RBM27: variants seen among roughly 807,000 people sequenced by gnomAD.
RBM27 encodes the protein RNA binding motif protein 27.
RBM27 carries 22 observed loss-of-function variants against 135.3 expected under a neutral mutation model. The ratio of observed to expected loss-of-function variants is 0.16; its 90% confidence interval spans 0.12 to 0.23. RBM27 has a LOEUF of 0.23. Among genes scored for constraint, RBM27 ranks in the 10% least tolerant of loss-of-function variants. The pLI is 1.00. For synonymous variants in RBM27, 481 were observed against 442.4 expected (o/e 1.09, Z -1.10); for missense variants, 1,009 against 1,281.0 (o/e 0.79, Z 3.24).
intron 10 of RBM27, among the ~76,000 whole-genome samples, chr5:146,256,224 A>G (rs1056802760): frequency 2.7e-5 from 4 of 149,416 alleles, no homozygotes; most frequent in Admixed American, 6.7e-5. Context: ...TAATAACACT[A>G]TTACCACTAT....
At chr5:146,281,463 CT>C (rs891722812) in intron 19 of RBM27, among the ~76,000 whole-genome samples, 1 of 152,176 alleles carries the variant, frequency 6.6e-6, no homozygotes, top group Non-Finnish European at 1.5e-5. Flanking sequence ...AGTGTCCAAT[CT>C]TTTGGCTTCC....
In RBM27 at chr5:146,261,710, C is replaced by T; in HGVS notation, c.2094C>T (p.Leu698=). The T allele has an allele frequency of 6.2e-7, 1 of 1,614,208 alleles. No individual in the cohort carries two copies. The highest frequency in any genetic ancestry group is 8.5e-7 in the Non-Finnish European group (1 of 1,180,046). Reference sequence around the variant, plus strand: ...AACAACAGCAAACACTTAGTCACCTCTCACAGCAGCACCATCACCTGCCAC... The same window carrying T: ...AACAACAGCAAACACTTAGTCACCTTTCACAGCAGCACCATCACCTGCCAC... ...LLQQQQTLSH[L]SQQHHHLPQH... The change falls in exon 13 of 21, where the codon CTC becomes CTT. Residue 698 remains leucine (L), a synonymous_variant. Coordinates refer to ENST00000265271, the MANE Select transcript of RBM27 (RefSeq NM_018989.2).
Position 146,219,063 on chromosome 5 carries a change from A to T in RBM27, c.138A>T (p.Lys46Asn). The change falls in exon 2 of 21, where the codon AAA becomes AAT. Residue 46 changes from lysine to asparagine, a missense_variant. Physicochemically the swap from Lys to Asn is moderately conservative, Grantham distance 94 (BLOSUM62 0). This residue lies in a region of RBM27 where 268 missense variants were observed against 326.6 expected (regional missense o/e 0.82). Transcript: ENST00000265271. Reference sequence around the variant, plus strand: ...AGGACAAACCTGAGAAAGAATTAAAAGCCTTTTGTGCTGATCAACTTGATG... The same window carrying T: ...AGGACAAACCTGAGAAAGAATTAAATGCCTTTTGTGCTGATCAACTTGATG... ...VKKDKPEKEL[K>N]AFCADQLDVF... is the part of the protein sequence containing the mutation. 1 of 1,613,598 alleles carries T rather than the reference A, an allele frequency of 6.2e-7. No homozygotes were observed. Among genetic ancestry groups the T allele is most frequent in the Non-Finnish European group, 8.5e-7 (1 of 1,179,744 alleles).
Position 146,273,821 on chromosome 5 carries a change from T to C in RBM27, c.2988+2147T>C, listed in dbSNP as rs575694165. On this transcript the variant is annotated intron_variant, in intron 19 of 20. Coordinates refer to ENST00000265271, the MANE Select transcript of RBM27 (RefSeq NM_018989.2). ...TGGATTTTAATGAAGCTATTTGGAA[T>C]CTAATTCTGGAGTCCTTCAGAGTTT... Among the ~76,000 whole-genome samples, 265 of 152,336 alleles carry C rather than the reference T, an allele frequency of 1.7e-3. 2 individuals are homozygous for C. Among genetic ancestry groups the C allele is most frequent in the African/African-American group, 6.2e-3 (259 of 41,574 alleles).
chr5:146,248,668 A>G lies in RBM27; in HGVS notation c.1280-3043A>G, dbSNP rs113022299. ...TTTAGTAGAGACGGGGTTTCACCCT[A>G]TTGCCCAGCCTGGTCTCAAATTCCT... On this transcript the variant is annotated intron_variant, in intron 8 of 20. Transcript: ENST00000265271. Among the ~76,000 whole-genome samples the G allele has an allele frequency of 3.0e-3, 451 of 152,122 alleles. 2 individuals carry two copies. The highest frequency in any genetic ancestry group is 0.01 in the African/African-American group (417 of 41,516).
intron 19 of RBM27, among the ~76,000 whole-genome samples, chr5:146,278,426 C>T (rs1311314158): frequency 6.6e-6 from 1 of 152,090 alleles, no homozygotes; most frequent in Non-Finnish European, 1.5e-5. Context: ...TTCCTTCTAC[C>T]TCCAGTCACT....
At chr5:146,262,085 A>G (rs1259608054) in intron 13 of RBM27, among the ~76,000 whole-genome samples, 1 of 152,168 alleles carries the variant, frequency 6.6e-6, no homozygotes. Flanking sequence ...TACATACCTT[A>G]AAGTTTGAGA....
At chr5:146,231,727 C>A (rs1756941698) in intron 6 of RBM27, among the ~76,000 whole-genome samples, 1 of 152,088 alleles carries the variant, frequency 6.6e-6, no homozygotes, top group Non-Finnish European at 1.5e-5. Context: ...AAGCGATTTT[C>A]CTGCCTCAGC....
At chr5:146,208,296 T>A (rs1933582566) in intron 1 of RBM27, among the ~76,000 whole-genome samples, 1 of 152,208 alleles carries the variant, frequency 6.6e-6, no homozygotes, top group South Asian at 2.1e-4. Context: ...CAGTTGATTA[T>A]TCCCTATGGA....
chr5:146,222,027 C>G (rs1392326122), intron 2 of RBM27, among the ~76,000 whole-genome samples: 1 of 151,944 alleles, frequency 6.6e-6, no homozygotes, highest in Non-Finnish European at 1.5e-5. Flanking sequence ...AAAAATTGAG[C>G]TATGTGTCTT....
intron 6 of RBM27, among the ~76,000 whole-genome samples, chr5:146,231,488 T>TTTA (rs1467229209): frequency 6.6e-6 from 1 of 152,100 alleles, no homozygotes; most frequent in Admixed American, 6.5e-5. Flanking sequence ...TAAGAGAATA[T>TTTA]TTAAATTTTA....
chr5:146,220,963 A>G (rs1756437465), intron 2 of RBM27, among the ~76,000 whole-genome samples: 1 of 152,140 alleles, frequency 6.6e-6, no homozygotes. Context: ...CATGCCTGTA[A>G]TCCCAGCACT....
At chr5:146,256,452 C>T (rs916918801) in intron 10 of RBM27, among the ~76,000 whole-genome samples, 19 of 151,264 alleles carry the variant, frequency 1.3e-4, no homozygotes, top group African/African-American at 4.1e-4. Flanking sequence ...TGGGTTCAAG[C>T]GATTCTCCCA....
At chr5:146,283,934 A>G (rs1462708827) in intron 19 of RBM27, among the ~76,000 whole-genome samples, 1 of 152,184 alleles carries the variant, frequency 6.6e-6, no homozygotes, top group African/African-American at 2.4e-5. Context: ...CTAAACTTCT[A>G]CTTTTCTGAA....
intron 1 of RBM27, among the ~76,000 whole-genome samples, chr5:146,210,017 T>C (rs772457541): frequency 2.5e-4 from 38 of 152,238 alleles, no homozygotes; most frequent in Non-Finnish European, 3.7e-4. Context: ...TCTTCTCTTA[T>C]CCTCTTACAG....
At chr5:146,261,922 A>T in intron 13 of RBM27, 116 bp downstream of exon 13, 1 of 1,030,510 alleles carries the variant, frequency 9.7e-7, no homozygotes, top group Non-Finnish European at 1.4e-6. Flanking sequence ...TGAACTGCAG[A>T]CCAGTAGCAT....
intron 14 of RBM27, 145 bp downstream of exon 14, chr5:146,263,776 C>T (rs1410513621): frequency 1.9e-6 from 2 of 1,034,100 alleles, no homozygotes; most frequent in Admixed American, 5.7e-5. Flanking sequence ...ATGTTTCAGT[C>T]AGAAATTTGC....
intron 8 of RBM27, among the ~76,000 whole-genome samples, chr5:146,247,255 TTTC>T (rs1757666419): frequency 6.6e-6 from 1 of 152,198 alleles, no homozygotes; most frequent in Non-Finnish European, 1.5e-5. Context: ...TATAGTAGCA[TTTC>T]ATCTGTAAAA....
rs1759567209 is a variant in RBM27 at position 146,286,039 on chromosome 5, G to A, written c.*9G>A. ...GCTCATGGCGAAGATGAAATCTGAT[G>A]CTAGCTGTATAATTTTTAGGAATAT... On this transcript the variant is annotated 3_prime_UTR_variant, in exon 21 of 21. Coordinates refer to ENST00000265271, the MANE Select transcript of RBM27 (RefSeq NM_018989.2). 6.3e-7 allele frequency: 1 copy of A among 1,590,786 alleles called. No individual in the cohort carries two copies. The highest frequency in any genetic ancestry group is 1.8e-5 in the Admixed American group (1 of 55,818).
Sources: allele counts gnomAD v4.1 joint callset (sites outside exome capture counted in the v4.1 genomes callset), GRCh38; gene constraint gnomAD v4.1.1; regional missense constraint gnomAD v4.1.1; transcripts MANE v1.5; gene names NCBI Gene and HGNC (gene_info 2026-07-23, HGNC 2026-07-21).